LAMC3: variants seen among roughly 807,000 people sequenced by gnomAD.
LAMC3 encodes laminin subunit gamma 3.
In LAMC3, 128 loss-of-function variants were observed where a neutral mutation model predicts 173.8. The ratio of observed to expected loss-of-function variants is 0.74; its 90% CI spans 0.64 to 0.85. The LOEUF (loss-of-function observed/expected upper bound fraction) is 0.85. Ranked by LOEUF, LAMC3 falls within the 40% of genes least tolerant of loss-of-function variation. LAMC3 has a pLI of 0.00. For synonymous variants in LAMC3, 897 were observed against 909.1 expected, an observed-to-expected ratio of 0.99 and a Z score of 0.24; for missense variants, 2,022 against 2,156.0, an observed-to-expected ratio of 0.94 and a Z score of 1.23.
chr9:131,067,266 G>T, intron 14 of LAMC3, 61 bp downstream of exon 14: 1 of 1,603,958 alleles, frequency 6.2e-7, no homozygotes, highest in Non-Finnish European at 8.5e-7. Context: ...TTCTGCCCTG[G>T]CTCAGGGCCC....
chr9:131,049,173 T>A, intron 9 of LAMC3, 43 bp downstream of exon 9: 1 of 1,141,990 alleles, frequency 8.8e-7, no homozygotes, highest in Non-Finnish European at 1.3e-6. Context: ...CTGTGTCGGT[T>A]CCTCCTGCTG....
At chr9:131,070,380 C>T (rs988996224) in intron 17 of LAMC3, among the ~76,000 whole-genome samples, 6 of 152,218 alleles carry the variant, frequency 3.9e-5, no homozygotes, top group African/African-American at 1.2e-4. Context: ...CCAGTGGGGC[C>T]AGCTTTCAGA....
chr9:131,031,587 C>A (rs1833825494), intron 2 of LAMC3, among the ~76,000 whole-genome samples: 1 of 152,184 alleles, frequency 6.6e-6, no homozygotes, highest in Non-Finnish European at 1.5e-5. Flanking sequence ...CACCGTCCCC[C>A]AGCTGTATCC....
chr9:131,034,087 C>A (rs1833899306), intron 3 of LAMC3, among the ~76,000 whole-genome samples: 1 of 152,330 alleles, frequency 6.6e-6, no homozygotes, highest in East Asian at 1.9e-4. Context: ...GGCCAGAGGA[C>A]ATCTGGGTTC....
chr9:131,082,003 C>T (rs1441687435), intron 23 of LAMC3, 56 bp from the exon 24 acceptor site: 14 of 1,386,406 alleles, frequency 1.0e-5, no homozygotes, highest in Non-Finnish European at 1.4e-5. Flanking sequence ...ACTGAGCTGC[C>T]CCTGGGCCCT....
chr9:131,071,290 G>A (rs1830031687), intron 17 of LAMC3, among the ~76,000 whole-genome samples, 194 bp from the exon 18 acceptor site: 1 of 152,154 alleles, frequency 6.6e-6, no homozygotes, highest in African/African-American at 2.4e-5. Flanking sequence ...GAGGATGGGA[G>A]GGGAAGGGAC....
chr9:131,048,899 T>G, intron 8 of LAMC3, 121 bp from the exon 9 acceptor site: 2 of 624,558 alleles, frequency 3.2e-6, no homozygotes, highest in Non-Finnish European at 5.7e-6. Flanking sequence ...TCCGGGTCCC[T>G]GAGCTTTCTA....
At chr9:131,031,806 TG>T (rs1833829077) in intron 2 of LAMC3, among the ~76,000 whole-genome samples, 1 of 152,148 alleles carries the variant, frequency 6.6e-6, no homozygotes, top group Non-Finnish European at 1.5e-5. Context: ...GATGGGAAAA[TG>T]GAGGCTCTAA....
intron 6 of LAMC3, among the ~76,000 whole-genome samples, chr9:131,040,602 T>G (rs1834031674): frequency 6.6e-6 from 1 of 152,208 alleles, no homozygotes; most frequent in Non-Finnish European, 1.5e-5. Context: ...TTGGTGGTTC[T>G]GGGCATAAAA....
intron 13 of LAMC3, among the ~76,000 whole-genome samples, 172 bp from the exon 14 acceptor site, chr9:131,066,788 G>C (rs912097664): frequency 6.6e-6 from 1 of 152,196 alleles, no homozygotes; most frequent in East Asian, 1.9e-4. Flanking sequence ...GCAGTGGCTT[G>C]CTCAGGACCA....
In LAMC3 at chr9:131,079,097, G is replaced by A. The variant is rs574324956; in HGVS notation, c.3778-52G>A. 35 of 1,596,824 alleles carry A rather than the reference G, an allele frequency of 2.2e-5. No homozygotes were observed. In the Middle Eastern group the frequency reaches 1.0e-3, roughly 46 times the overall value. On this transcript the variant is annotated intron_variant, in intron 22 of 27. Coordinates refer to ENST00000361069, the MANE Select transcript of LAMC3 (RefSeq NM_006059.4). The stretch of plus-strand genomic sequence containing the variant: ...GGCACCTCCCCCAAGGAGAGGATCC[G>A]CTGCTTGCCCTTCCTTTCCAGGCCC...
At chr9:131,074,782 G>A (rs1830094926) in intron 20 of LAMC3, among the ~76,000 whole-genome samples, 1 of 151,792 alleles carries the variant, frequency 6.6e-6, no homozygotes, top group African/African-American at 2.4e-5. Context: ...ACGCTCCAGG[G>A]ACCTTAGACT....
chr9:131,039,329 C>A, intron 6 of LAMC3, 81 bp downstream of exon 6: 1 of 1,153,534 alleles, frequency 8.7e-7, no homozygotes, highest in Non-Finnish European at 1.3e-6. Flanking sequence ...AGCAGTCCCT[C>A]CCCTCCCCAT....
chr9:131,027,681 T>A (rs1833748159), intron 2 of LAMC3, among the ~76,000 whole-genome samples: 1 of 152,208 alleles, frequency 6.6e-6, no homozygotes, highest in African/African-American at 2.4e-5. Flanking sequence ...GGCCAGTGGC[T>A]GCCACGTTGG....
intron 14 of LAMC3, 152 bp downstream of exon 14, chr9:131,067,357 C>A: frequency 1.1e-6 from 1 of 921,516 alleles, no homozygotes; most frequent in Non-Finnish European, 1.7e-6. Flanking sequence ...CACTTCCCTT[C>A]CTGTCTCCAT....
chr9:131,071,492 G>T lies in LAMC3; in HGVS notation c.3078G>T (p.Lys1026Asn). 6.2e-7 allele frequency: 1 copy of T among 1,613,890 alleles called. No individual in the cohort carries two copies. Among genetic ancestry groups the T allele is most frequent in the Non-Finnish European group, 8.5e-7 (1 of 1,179,908 alleles). Residue 1026 changes from lysine (K) to asparagine (N), a missense_variant, in exon 18 of 28, where the codon AAG (lysine) becomes AAT (asparagine). Physicochemically the swap from Lys to Asn is moderately conservative, Grantham distance 94 (BLOSUM62 0). Transcript: ENST00000361069. ...CYALVKEEAA[K>N]LKARLTLTEG... ...CTTCCTGTCCTCTCCAGGCAGCCAA[G>T]CTGAAGGCCAGACTGACTTTGACGG...
chr9:131,037,125 C>T (rs1254315515), intron 4 of LAMC3, among the ~76,000 whole-genome samples: 2 of 152,222 alleles, frequency 1.3e-5, no homozygotes, highest in African/African-American at 4.8e-5. Flanking sequence ...AGGAGCTGCC[C>T]TCGCTGGCCT....
chr9:131,059,548 A>G (rs1368817501), intron 12 of LAMC3, among the ~76,000 whole-genome samples: 2 of 77,858 alleles, frequency 2.6e-5, no homozygotes, highest in Non-Finnish European at 6.6e-5. Flanking sequence ...CGGGGAGGGC[A>G]AGCACAACCA....
rs199612934 is a variant in LAMC3, at chr9:131,075,930, G to C, written c.3594G>C (p.Arg1198Ser). ...TTCTCTGGAATCTGCTGGAGGGAAGGGTGGCCCTAGAGACCCAGCGGGACC... is the reference window on the plus strand; with the variant it reads ...TTCTCTGGAATCTGCTGGAGGGAAGCGTGGCCCTAGAGACCCAGCGGGACC... ...YALLWNLLEG[R>S]VALETQRDLE... The change falls in exon 21 of 28, where the codon AGG becomes AGC. Residue 1198 changes from arginine (R) to serine (S), a missense_variant. Arg to Ser is a moderately radical substitution (Grantham distance 110, BLOSUM62 -1). Coordinates refer to ENST00000361069, the MANE Select transcript of LAMC3 (RefSeq NM_006059.4). 65 of 1,610,638 alleles carry C rather than the reference G, an allele frequency of 4.0e-5. No homozygotes were observed. The East Asian group carries it at 1.3e-3, about 33-fold the overall frequency.
Sources: gnomAD v4.1 joint callset for allele counts (sites outside exome capture counted in the v4.1 genomes callset) on GRCh38, gnomAD v4.1.1 for gene constraint, MANE v1.5 for transcripts, NCBI Gene and HGNC (gene_info 2026-07-23, HGNC 2026-07-21) for gene names.